Variants in PDE1A observed in about 807,000 individuals in gnomAD.
PDE1A encodes the protein phosphodiesterase 1A.
PDE1A carries 35 observed loss-of-function variants against 61.7 expected under a neutral mutation model. The ratio of observed to expected loss-of-function variants is 0.57; its 90% CI spans 0.43 to 0.75. The LOEUF is 0.75. PDE1A is among the 30% of genes least tolerant of loss of function. The pLI is 0.00. For synonymous variants in PDE1A, 232 were observed against 213.2 expected, an observed-to-expected ratio of 1.09 and a Z score of -0.77; for missense variants, 597 against 630.6, an observed-to-expected ratio of 0.95 and a Z score of 0.57.
chr2:182,672,740 G>A, the PDE1A span, among the ~76,000 whole-genome samples: 1 of 152,182 alleles, frequency 6.6e-6, no homozygotes, highest in African/African-American at 2.4e-5. Flanking sequence ...TTCATGATAA[G>A]CTGCCTCTGT....
chr2:182,549,805 G>T, the PDE1A span, among the ~76,000 whole-genome samples: 1 of 152,034 alleles, frequency 6.6e-6, no homozygotes, highest in Non-Finnish European at 1.5e-5. Flanking sequence ...ATTACTTATA[G>T]ACAGGGTTAT....
intron 1 of PDE1A, among the ~76,000 whole-genome samples, chr2:182,389,525 A>G (rs1325079897): frequency 1.3e-5 from 2 of 152,392 alleles, no homozygotes; most frequent in East Asian, 3.9e-4. Flanking sequence ...AGGGAAATGC[A>G]AATTAAAACC....
chr2:182,519,622 TAGAC>T (rs1690437656), intron 2 of PDE1A, among the ~76,000 whole-genome samples: 1 of 151,890 alleles, frequency 6.6e-6, no homozygotes, highest in South Asian at 2.1e-4. Context: ...ACAAAAATGG[TAGAC>T]AGCATTGATA....
chr2:182,320,006 G>A (rs918238846), intron 1 of PDE1A, among the ~76,000 whole-genome samples: 6 of 152,068 alleles, frequency 3.9e-5, no homozygotes, highest in Non-Finnish European at 7.4e-5. Flanking sequence ...AGGCTGGTAG[G>A]CCCTATGTTG....
chr2:182,401,883 GACAA>G (rs1189730664), intron 1 of PDE1A, among the ~76,000 whole-genome samples: 5 of 152,084 alleles, frequency 3.3e-5, no homozygotes, highest in African/African-American at 9.7e-5. Flanking sequence ...ACCAATAACA[GACAA>G]ACAGAGAGCC....
At chr2:182,346,192 T>A (rs974452905) in intron 1 of PDE1A, among the ~76,000 whole-genome samples, 3 of 152,178 alleles carry the variant, frequency 2.0e-5, no homozygotes, top group Non-Finnish European at 2.9e-5. Flanking sequence ...GTTTTTAAGG[T>A]ATATTATCCC....
intron 1 of PDE1A, among the ~76,000 whole-genome samples, chr2:182,284,491 TA>T (rs1480017012): frequency 6.6e-6 from 1 of 152,126 alleles, no homozygotes; most frequent in African/African-American, 2.4e-5. Flanking sequence ...CTATCTTTGC[TA>T]AAATGCATAT....
At chr2:182,493,064 T>C (rs1202525162) in intron 2 of PDE1A, among the ~76,000 whole-genome samples, 1 of 151,730 alleles carries the variant, frequency 6.6e-6, no homozygotes, top group Non-Finnish European at 1.5e-5. Context: ...TGTGCTTACA[T>C]CATCCTAATC....
intron 2 of PDE1A, among the ~76,000 whole-genome samples, chr2:182,243,435 T>C (rs951480333): frequency 2.0e-5 from 3 of 151,994 alleles, no homozygotes; most frequent in South Asian, 2.1e-4. Context: ...GAAGGGCAAG[T>C]ACAAAGGCCC....
At chr2:182,383,443 C>T (rs61069172) in intron 1 of PDE1A, among the ~76,000 whole-genome samples, 4,588 of 151,798 alleles carry the variant, frequency 0.03, 207 homozygotes, top group African/African-American at 0.1. Context: ...AGGAAATGAC[C>T]AGTATATGAC....
chr2:182,558,837 T>C, the PDE1A span, among the ~76,000 whole-genome samples: 2 of 152,246 alleles, frequency 1.3e-5, no homozygotes, highest in Non-Finnish European at 2.9e-5. Flanking sequence ...CTCCTAGCTC[T>C]GTTTGGGAAA....
In PDE1A at chr2:182,380,955, C is replaced by G. The variant is rs116578747; in HGVS notation, c.53+45623G>C. ...AGATACAGGGCATACTGTAGTGTGT[C>G]TGGGAGAAGAATACCTGTTGACTTC... On this transcript the variant is annotated intron_variant, in intron 1 of 13. Coordinates refer to ENST00000351439, the Ensembl canonical transcript of PDE1A. Among the ~76,000 whole-genome samples the G allele has an allele frequency of 2.5e-3, 386 of 152,276 alleles. 2 individuals are homozygous for G. Among genetic ancestry groups the G allele is most frequent in the African/African-American group, 8.9e-3 (371 of 41,558 alleles).
intron 13 of PDE1A, among the ~76,000 whole-genome samples, chr2:182,180,391 T>G (rs1684654219): frequency 6.6e-6 from 1 of 152,180 alleles, no homozygotes; most frequent in Non-Finnish European, 1.5e-5. Context: ...GAATGTTGAA[T>G]ATTGAATATT....
At chr2:182,688,841 A>G in the PDE1A span, among the ~76,000 whole-genome samples, 5 of 152,228 alleles carry the variant, frequency 3.3e-5, no homozygotes, top group African/African-American at 7.2e-5. Context: ...AAGATCTACC[A>G]AGCAAATGGA....
At chr2:182,191,646 A>G (rs2125422252) in intron 10 of PDE1A, among the ~76,000 whole-genome samples, 1 of 151,644 alleles carries the variant, frequency 6.6e-6, no homozygotes. Context: ...TTATTTTTGC[A>G]CCACCCTAAA....
intron 13 of PDE1A, among the ~76,000 whole-genome samples, chr2:182,181,615 G>C (rs1029523899): frequency 6.6e-6 from 1 of 152,182 alleles, no homozygotes; most frequent in African/African-American, 2.4e-5. Context: ...GTTAGGGTCA[G>C]CTGCTCTCTT....
chr2:182,678,782 T>C, the PDE1A span, among the ~76,000 whole-genome samples: 2 of 152,120 alleles, frequency 1.3e-5, no homozygotes, highest in African/African-American at 4.8e-5. Flanking sequence ...GAGTAGTGGT[T>C]ACCAGAGGCT....
At chr2:182,462,226 G>A (rs759892709) in intron 2 of PDE1A, among the ~76,000 whole-genome samples, 230 of 151,956 alleles carry the variant, frequency 1.5e-3, no homozygotes, top group Non-Finnish European at 2.6e-3. Context: ...AATGGGTGCA[G>A]CACACCAACA....
chr2:182,675,285 T>C, the PDE1A span, among the ~76,000 whole-genome samples: 2 of 152,272 alleles, frequency 1.3e-5, no homozygotes, highest in African/African-American at 4.8e-5. Context: ...AAAGACATGA[T>C]CTCATTGTTT....
Sources: allele counts gnomAD v4.1 joint callset (sites outside exome capture counted in the v4.1 genomes callset), GRCh38; gene constraint gnomAD v4.1.1; transcripts MANE v1.5; gene names NCBI Gene and HGNC (gene_info 2026-07-23, HGNC 2026-07-21).